The following ENPP1 variants were observed in gnomAD, a reference collection of about 807,000 sequenced individuals.
ENPP1 encodes the protein ectonucleotide pyrophosphatase/phosphodiesterase 1, also known as ectonucleotide pyrophosphatase/phosphodiesterase family member 1.
ENPP1 carries 73 observed loss-of-function variants against 122.8 expected under a neutral mutation model. That is an observed-to-expected ratio of 0.59 (90% CI 0.49 to 0.72). The LOEUF (loss-of-function observed/expected upper bound fraction) is 0.72, where lower values mean the gene tolerates loss of function less well. Ranked by LOEUF, ENPP1 falls within the 30% of genes least tolerant of loss-of-function variation. The pLI is 0.00. For missense variants in ENPP1, 978 were observed against 1,128.1 expected (o/e 0.87, Z 1.91); for synonymous variants, 367 against 391.6 (o/e 0.94, Z 0.74).
At position 131,890,331 on chromosome 6, in the gene ENPP1, AT is replaced by A; in HGVS notation, c.2608-8del. 3 of 1,611,770 alleles carry A rather than the reference AT, an allele frequency of 1.9e-6. No individual in the cohort carries two copies. The highest frequency in any genetic ancestry group is 2.5e-6 in the Non-Finnish European group (3 of 1,177,846). On this transcript the variant is annotated splice_polypyrimidine_tract_variant and intron_variant, in intron 24 of 24. Transcript: ENST00000647893. ...TGGTAACTTTTCTTTTATATTTCCT[AT>A]TCTCCTAGCATGGGAAGCATGACTC...
At chr6:131,819,816 C>T (rs1305269942) in intron 1 of ENPP1, 2 of 400,834 alleles carry the variant, frequency 5.0e-6, no homozygotes, top group Non-Finnish European at 9.7e-6. Flanking sequence ...CCTTCCTCAT[C>T]CACCAGCCAT....
chr6:131,822,305 C>T (rs367887637), intron 1 of ENPP1, among the ~76,000 whole-genome samples: 15 of 152,136 alleles, frequency 9.9e-5, no homozygotes, highest in African/African-American at 3.1e-4. Context: ...AGGGTCTAAA[C>T]GGGAATCACA....
chr6:131,855,361 T>C (rs1781932213), intron 6 of ENPP1, among the ~76,000 whole-genome samples: 1 of 152,220 alleles, frequency 6.6e-6, no homozygotes, highest in African/African-American at 2.4e-5. Context: ...AGTCTCACTC[T>C]GTCGCCCAGG....
chr6:131,827,797 G>T, intron 1 of ENPP1: 1 of 935,046 alleles, frequency 1.1e-6, no homozygotes, highest in Non-Finnish European at 1.7e-6. Context: ...CTGCAGGTGG[G>T]GCAATGACTG....
At chr6:131,866,516 C>T (rs1029563939) in intron 11 of ENPP1, among the ~76,000 whole-genome samples, 10 of 152,150 alleles carry the variant, frequency 6.6e-5, no homozygotes, top group African/African-American at 2.4e-4. Flanking sequence ...CCTTCATTTC[C>T]CTTTCCCTGG....
chr6:131,851,084 C>G (rs1264368817), intron 3 of ENPP1, 58 bp from the exon 4 acceptor site: 1 of 1,591,562 alleles, frequency 6.3e-7, no homozygotes, highest in Non-Finnish European at 8.6e-7. Context: ...ATTCTGTGTT[C>G]ACTTTGGACA....
chr6:131,865,612 TCATTTTTGTTAC>T (rs1782078567), intron 11 of ENPP1, among the ~76,000 whole-genome samples: 1 of 152,190 alleles, frequency 6.6e-6, no homozygotes, highest in Non-Finnish European at 1.5e-5. Flanking sequence ...CGTGGCCATA[TCATTTTTGTTAC>T]CATTTTAATG....
At chr6:131,845,307 A>G (rs759060835) in intron 1 of ENPP1, among the ~76,000 whole-genome samples, 1 of 151,698 alleles carries the variant, frequency 6.6e-6, no homozygotes, top group African/African-American at 2.4e-5. Context: ...CTGGGATTAT[A>G]GGCATGAGCC....
intron 5 of ENPP1, among the ~76,000 whole-genome samples, chr6:131,852,476 C>T (rs1331248719): frequency 1.3e-5 from 2 of 152,070 alleles, no homozygotes; most frequent in East Asian, 1.9e-4. Flanking sequence ...CCAAATGCTC[C>T]AGTGAGCATT....
In ENPP1 at chr6:131,892,029, G is replaced by A. The variant is rs559352485; in HGVS notation, c.*1518G>A. ...CTGTCTCTTTGCTGAGACTTTCTAC[G>A]TTTTCATTTGTTTCAAGTGCATTTA... On this transcript the variant is annotated 3_prime_UTR_variant, in exon 25 of 25. Coordinates refer to ENST00000647893, the MANE Select transcript of ENPP1 (RefSeq NM_006208.3). 6 of 151,780 alleles carry A rather than the reference G, an allele frequency of 4.0e-5. No homozygotes were observed. Among genetic ancestry groups the A allele is most frequent in the East Asian group, 1.9e-4 (1 of 5,162 alleles). The allele number at this position is 151,780 out of a possible 1,614,324, so 9.4% of individuals were successfully genotyped here. A position where few individuals can be genotyped will look rare whatever the true frequency, so the allele number is the denominator to read the frequency against.
At chr6:131,821,035 G>T (rs192875287) in intron 1 of ENPP1, among the ~76,000 whole-genome samples, 1 of 152,140 alleles carries the variant, frequency 6.6e-6, no homozygotes, top group Non-Finnish European at 1.5e-5. Flanking sequence ...ATGTGACTGA[G>T]AATTTTTTAT....
rs555814001 is a variant in ENPP1, at chr6:131,824,413, A to G, written c.240+16138A>G. Among the ~76,000 whole-genome samples, 10 of 152,036 alleles carry G rather than the reference A, an allele frequency of 6.6e-5. No individual in the cohort carries two copies. In the South Asian group the frequency reaches 1.5e-3, roughly 22 times the overall value. ...GGAGTGTAATGGGGATGAGGTGGGA[A>G]ATGTTGCCAGAGCCATCTCCAGGCA... is the stretch of plus-strand genomic sequence containing the variant. On this transcript the variant is annotated intron_variant, in intron 1 of 24. Transcript: ENST00000647893.
intron 24 of ENPP1, among the ~76,000 whole-genome samples, chr6:131,887,186 CAA>C (rs1296355372): frequency 6.6e-6 from 1 of 151,910 alleles, no homozygotes; most frequent in Non-Finnish European, 1.5e-5. Context: ...TGTATAATTT[CAA>C]AGTGTCAGCA....
chr6:131,860,559 T>G, intron 8 of ENPP1, 53 bp downstream of exon 8: 1 of 1,395,070 alleles, frequency 7.2e-7, no homozygotes, highest in Non-Finnish European at 1.0e-6. Flanking sequence ...TCTATTTCAA[T>G]CAGAGTAAAA....
Position 131,886,650 on chromosome 6 carries a change from C to A in ENPP1, c.2533C>A (p.Pro845Thr). 6.2e-7 allele frequency: 1 copy of A among 1,613,930 alleles called. No individual in the cohort carries two copies. Among genetic ancestry groups the A allele is most frequent in the Admixed American group, 1.7e-5 (1 of 60,028 alleles). Residue 845 changes from proline (P) to threonine (T), a missense_variant, in exon 24 of 25, where the codon CCT (proline) becomes ACT (threonine). Transcript: ENST00000647893. The stretch of plus-strand genomic sequence containing the variant: ...AAGCTGTAAAGATACATCTCAGACG[C>A]CTTTGCACTGTGAAAACCTAGACAC... ...LTSCKDTSQT[P>T]LHCENLDTLA...
chr6:131,882,369 T>A lies in ENPP1; in HGVS notation c.2125T>A (p.Ser709Thr). 1 of 1,604,848 alleles carries A rather than the reference T, an allele frequency of 6.2e-7. No individual in the cohort carries two copies. Among genetic ancestry groups the A allele is most frequent in the Non-Finnish European group, 8.5e-7 (1 of 1,173,938 alleles). The part of the protein sequence containing the change: ...RNDSFSTEDF[S>T]NCLYQDFRIP... ...GGACAGTTTCTCTACGGAAGACTTC[T>A]CCAACTGTCTGTACCAGGACTTTAG... Residue 709 changes from serine to threonine, a missense_variant, in exon 21 of 25, where the codon TCC (serine) becomes ACC (threonine). By Grantham distance (58) the Ser-to-Thr change is moderately conservative. Coordinates refer to ENST00000647893, the MANE Select transcript of ENPP1 (RefSeq NM_006208.3).
chr6:131,825,666 C>G (rs1373539978), intron 1 of ENPP1, among the ~76,000 whole-genome samples: 1 of 152,064 alleles, frequency 6.6e-6, no homozygotes, highest in Admixed American at 6.6e-5. Flanking sequence ...AGTACTTGTT[C>G]AAGAAACATT....
At chr6:131,869,286 A>G (rs1782128195) in intron 12 of ENPP1, 72 bp from the exon 13 acceptor site, 1 of 1,476,320 alleles carries the variant, frequency 6.8e-7, no homozygotes, top group Admixed American at 1.7e-5. Context: ...TGGAAGTGAA[A>G]GAAGTTCTGC....
Position 131,894,525 on chromosome 6 carries a change from C to G in ENPP1, c.*4014C>G, listed in dbSNP as rs774267525. 1 of 152,184 alleles carries G rather than the reference C, an allele frequency of 6.6e-6. No homozygotes were observed. The highest frequency in any genetic ancestry group is 1.5e-5 in the Non-Finnish European group (1 of 68,094). The allele number at this position is 152,184 out of a possible 1,614,324, so 9.4% of individuals were successfully genotyped here. ...ATCTCCTGAGCTCAGACAATCCCCC[C>G]GCCTTGGCCTCCCAAAGTGCTAGGA... On this transcript the variant is annotated 3_prime_UTR_variant, in exon 25 of 25. Transcript: ENST00000647893.
Sources: allele counts gnomAD v4.1 joint callset (sites outside exome capture counted in the v4.1 genomes callset), GRCh38; gene constraint gnomAD v4.1.1; transcripts MANE v1.5; gene names NCBI Gene and HGNC (gene_info 2026-07-23, HGNC 2026-07-21).